METTL22: variants seen among roughly 807,000 people sequenced by gnomAD.
The protein encoded by METTL22 is methyltransferase-like protein 22.
METTL22 carries 51 observed loss-of-function variants against 48.4 expected under a neutral mutation model. The observed-to-expected ratio is 1.05, with a 90% confidence interval of 0.84 to 1.33. The LOEUF (loss-of-function observed/expected upper bound fraction) is 1.33, where lower values mean the gene tolerates loss of function less well. Ranked by LOEUF, METTL22 falls within the 40% of genes most tolerant of loss-of-function variation. The pLI is 0.00. For synonymous variants in METTL22, 255 were observed against 214.1 expected (o/e 1.19, Z -1.67); for missense variants, 678 against 526.9 (o/e 1.29, Z -2.81).
chr16:8,628,896 C>G lies in METTL22; in HGVS notation c.300C>G (p.Leu100=). 7 of 1,613,924 alleles carry G rather than the reference C, an allele frequency of 4.3e-6. No individual in the cohort carries two copies. Among genetic ancestry groups the G allele is most frequent in the Non-Finnish European group, 5.9e-6 (7 of 1,180,000 alleles). Residue 100 remains leucine (L), a synonymous_variant, in exon 3 of 11, where the codon CTC becomes CTG. Coordinates refer to ENST00000381920, the MANE Select transcript of METTL22 (RefSeq NM_024109.4). ...GSGHGNEGFS[L]QAGTDTTGQE... Reference sequence around the variant, plus strand: ...GCCATGGTAATGAGGGTTTCTCCCTCCAGGCCGGGACTGACACCACTGGCC... The same window carrying G: ...GCCATGGTAATGAGGGTTTCTCCCTGCAGGCCGGGACTGACACCACTGGCC...
At position 8,642,595 on chromosome 16, in the gene METTL22, A is replaced by G. The variant is rs750479953; in HGVS notation, c.1010+30A>G. 5 of 1,599,546 alleles carry G rather than the reference A, an allele frequency of 3.1e-6. No homozygotes were observed. In the East Asian group the frequency reaches 1.1e-4, roughly 36 times the overall value. On this transcript the variant is annotated intron_variant, in intron 9 of 10. Transcript: ENST00000381920. ...GCTTTGCGCCACGGGAACCGTGCTGACGTCCCGAGTGTCAGCGGAACTCTC... is the reference window on the plus strand; with the variant it reads ...GCTTTGCGCCACGGGAACCGTGCTGGCGTCCCGAGTGTCAGCGGAACTCTC...
At chr16:8,643,513 A>G (rs537133690) in intron 9 of METTL22, among the ~76,000 whole-genome samples, 2 of 152,348 alleles carry the variant, frequency 1.3e-5, no homozygotes, top group African/African-American at 4.8e-5. Context: ...TTGCTTTTTA[A>G]TAACTCAGTG....
the METTL22 span, among the ~76,000 whole-genome samples, chr16:8,655,536 A>G: frequency 3.2e-3 from 485 of 152,362 alleles, 2 homozygotes; most frequent in African/African-American, 0.011. Context: ...CACTTTTGTC[A>G]CATTCAGTTC....
At chr16:8,623,334 A>G (rs1161656210) in intron 1 of METTL22, among the ~76,000 whole-genome samples, 1 of 150,612 alleles carries the variant, frequency 6.6e-6, no homozygotes, top group Middle Eastern at 3.2e-3. Flanking sequence ...AAAATGCGCT[A>G]TGGCAAAAAA....
chr16:8,660,424 C>T, the METTL22 span, among the ~76,000 whole-genome samples: 2 of 152,078 alleles, frequency 1.3e-5, no homozygotes, highest in South Asian at 2.1e-4. Context: ...AGTGATCCGC[C>T]TGCTTCGGCC....
chr16:8,651,435 G>A (rs547884557), downstream of METTL22, among the ~76,000 whole-genome samples: 17 of 143,180 alleles, frequency 1.2e-4, no homozygotes, highest in South Asian at 3.9e-3. Context: ...GATGCCTAGA[G>A]TCATACTTGG....
Position 8,636,533 on chromosome 16 carries a change from A to C in METTL22, c.700+1221A>C, listed in dbSNP as rs1306975349. On this transcript the variant is annotated intron_variant, in intron 5 of 10. Coordinates refer to ENST00000381920, the MANE Select transcript of METTL22 (RefSeq NM_024109.4). ...GAGACTCTGTCTCAAAAAAAAAAAA[A>C]AAAAAACAAACTTTATATATGACTT... Among the ~76,000 whole-genome samples, 79 of 121,686 alleles carry C rather than the reference A, an allele frequency of 6.5e-4. 1 individual carries two copies. The highest frequency in any genetic ancestry group is 2.8e-3 in the South Asian group (9 of 3,196). 79.8% of individuals were successfully genotyped at this position (121,686 alleles called of 152,430 possible).
At chr16:8,642,813 C>A in intron 9 of METTL22, 1 of 562,160 alleles carries the variant, frequency 1.8e-6, no homozygotes, top group Non-Finnish European at 3.2e-6. Flanking sequence ...GCATCAGGGG[C>A]CTTGGCCAGG....
the METTL22 span, among the ~76,000 whole-genome samples, chr16:8,663,342 TTAA>T: frequency 2.6e-5 from 4 of 152,146 alleles, no homozygotes; most frequent in Admixed American, 6.5e-5. Flanking sequence ...TGCTCAACAG[TTAA>T]TGATGGTAAA....
chr16:8,626,840 C>G (rs1161413204), intron 2 of METTL22, among the ~76,000 whole-genome samples: 1 of 140,850 alleles, frequency 7.1e-6, no homozygotes, highest in African/African-American at 2.7e-5. Context: ...GATCTCGGCT[C>G]ACTGCAAGCT....
intron 9 of METTL22, 85 bp from the exon 10 acceptor site, chr16:8,644,472 G>A: frequency 7.3e-7 from 1 of 1,362,314 alleles, no homozygotes; most frequent in Non-Finnish European, 1.0e-6. Flanking sequence ...AGATCAGTGA[G>A]GGATAGGAAA....
At chr16:8,661,086 G>A in the METTL22 span, among the ~76,000 whole-genome samples, 2 of 151,930 alleles carry the variant, frequency 1.3e-5, no homozygotes. Context: ...AAGCAGGGCC[G>A]TCAGGCACCT....
chr16:8,622,146 C>G (rs2055874051), intron 1 of METTL22, among the ~76,000 whole-genome samples: 1 of 152,220 alleles, frequency 6.6e-6, no homozygotes, highest in Non-Finnish European at 1.5e-5. Flanking sequence ...CACTACCACT[C>G]TACGCACCGT....
Position 8,642,537 on chromosome 16 carries a change from T to C in METTL22, c.982T>C (p.Cys328Arg), listed in dbSNP as rs1338809697. 8.1e-6 allele frequency: 13 copies of C among 1,614,238 alleles called. No homozygotes were observed. Among genetic ancestry groups the C allele is most frequent in the Admixed American group, 1.7e-5 (1 of 60,034 alleles). Reference sequence around the variant, plus strand: ...ACTCGCCCACAGATTGAAAAATGCCTGCACAGCCATACTGTCGGTGGAGAA... The same window carrying C: ...ACTCGCCCACAGATTGAAAAATGCCCGCACAGCCATACTGTCGGTGGAGAA... ...SRLAHRLKNA[C>R]TAILSVEKRL... Residue 328 changes from cysteine to arginine, a missense_variant, in exon 9 of 11, where the codon TGC (cysteine) becomes CGC (arginine). Transcript: ENST00000381920.
intron 3 of METTL22, among the ~76,000 whole-genome samples, chr16:8,630,158 C>T (rs2056207015): frequency 6.6e-6 from 1 of 151,102 alleles, no homozygotes; most frequent in Non-Finnish European, 1.5e-5. Flanking sequence ...GTGGGTCACT[C>T]TCAAAAACAG....
At chr16:8,653,878 G>A (rs1009651652), downstream of METTL22, among the ~76,000 whole-genome samples, 2 of 152,128 alleles carry the variant, frequency 1.3e-5, no homozygotes, top group Non-Finnish European at 2.9e-5. Context: ...TGGGTAGTGA[G>A]AACCCAGGAA....
In METTL22 at chr16:8,646,097, G is replaced by A. The variant is rs1641070; in HGVS notation, c.1180-11G>A. On this transcript the variant is annotated splice_polypyrimidine_tract_variant and intron_variant, in intron 10 of 10. Transcript: ENST00000381920. ...ACTTCAGAAACCTGTTCTTTTCTCTGTTTGCTGCAGGAGCTCTGGAAGATC... is the reference window on the plus strand; with the variant it reads ...ACTTCAGAAACCTGTTCTTTTCTCTATTTGCTGCAGGAGCTCTGGAAGATC... 1 allele frequency: 1,608,835 copies of A among 1,612,592 alleles called. 802,630 individuals are homozygous for A. The highest frequency in any genetic ancestry group is 1 in the East Asian group (44,848 of 44,850).
chr16:8,627,467 C>G (rs1567227483), intron 2 of METTL22, among the ~76,000 whole-genome samples: 1 of 152,124 alleles, frequency 6.6e-6, no homozygotes, highest in African/African-American at 2.4e-5. Context: ...GACAGCCCCT[C>G]CCTGGCCACC....
At chr16:8,660,067 T>C in the METTL22 span, among the ~76,000 whole-genome samples, 3 of 150,796 alleles carry the variant, frequency 2.0e-5, no homozygotes, top group East Asian at 2.0e-4. Context: ...GTGATGCTTT[T>C]CTCTTCTGTC....
Sources: gnomAD v4.1 joint callset for allele counts (sites outside exome capture counted in the v4.1 genomes callset) on GRCh38, gnomAD v4.1.1 for gene constraint, MANE v1.5 for transcripts, NCBI Gene and HGNC (gene_info 2026-07-23, HGNC 2026-07-21) for gene names.